Variants in SH3D19 observed in about 807,000 individuals in gnomAD.
SH3D19 encodes the protein SH3 domain containing 19.
A neutral mutation model predicts 112.1 loss-of-function variants in SH3D19; 58 were observed. The ratio of observed to expected loss-of-function variants is 0.52; its 90% CI spans 0.42 to 0.64. The LOEUF (loss-of-function observed/expected upper bound fraction) is 0.64, where lower values mean the gene tolerates loss of function less well. SH3D19 is among the 30% of genes least tolerant of loss of function. The pLI, the probability that SH3D19 is intolerant of heterozygous loss-of-function variation, is 0.00. For missense variants in SH3D19, 1,090 were observed against 1,263.4 expected, an observed-to-expected ratio of 0.86 and a Z score of 2.08; for synonymous variants, 391 against 448.5, an observed-to-expected ratio of 0.87 and a Z score of 1.62.
intron 17 of SH3D19, among the ~76,000 whole-genome samples, chr4:151,129,421 G>C (rs1295179059): frequency 6.6e-6 from 1 of 152,190 alleles, no homozygotes; most frequent in African/African-American, 2.4e-5. Flanking sequence ...CCAGGCTGAA[G>C]GGCAATGATG....
rs185606020 is a variant in SH3D19, at chr4:151,291,513, T to C, written c.112+33728A>G. ...TTATTTACAATTTGAAATGATTTTGTTTTTAAGGTTTTTGATTTTGGAAGT... is the reference window on the plus strand; with the variant it reads ...TTATTTACAATTTGAAATGATTTTGCTTTTAAGGTTTTTGATTTTGGAAGT... On this transcript the variant is annotated intron_variant, in intron 1 of 19. Coordinates refer to ENST00000604030, the MANE Select transcript of SH3D19 (RefSeq NM_001378122.1). The C allele has an allele frequency of 6.9e-4, 858 of 1,240,632 alleles. 1 individual carries two copies. The highest frequency in any genetic ancestry group is 8.8e-4 in the Non-Finnish European group (793 of 900,008). The allele number at this position is 1,240,632 out of a possible 1,614,324, so 76.9% of individuals were successfully genotyped here.
chr4:151,203,939 G>A (rs1293099300), intron 2 of SH3D19, among the ~76,000 whole-genome samples: 1 of 151,972 alleles, frequency 6.6e-6, no homozygotes, highest in African/African-American at 2.4e-5. Flanking sequence ...TTTTGGGGGA[G>A]GATTTTTTTT....
chr4:151,236,321 C>G (rs1770039927), intron 1 of SH3D19, among the ~76,000 whole-genome samples: 1 of 152,258 alleles, frequency 6.6e-6, no homozygotes, highest in Non-Finnish European at 1.5e-5. Context: ...GGGCCCCGCA[C>G]TTGGCACAGC....
At chr4:151,122,925 C>T (rs184704269) in intron 19 of SH3D19, among the ~76,000 whole-genome samples, 5 of 149,262 alleles carry the variant, frequency 3.3e-5, no homozygotes, top group African/African-American at 4.9e-5. Context: ...AATCTCGGCT[C>T]ACTGCAACCT....
intron 1 of SH3D19, among the ~76,000 whole-genome samples, chr4:151,255,118 G>C (rs1324760838): frequency 2.7e-5 from 4 of 150,526 alleles, no homozygotes; most frequent in Non-Finnish European, 4.4e-5. Context: ...CTGGCCTGGC[G>C]GGGGGCTGAC....
chr4:151,216,302 A>G (rs1767089585), intron 2 of SH3D19, among the ~76,000 whole-genome samples: 1 of 152,226 alleles, frequency 6.6e-6, no homozygotes, highest in African/African-American at 2.4e-5. Context: ...CATTTGAAGA[A>G]TGTGATGTAT....
chr4:151,283,305 G>A (rs372701461), intron 1 of SH3D19: 374 of 1,606,956 alleles, frequency 2.3e-4, no homozygotes, highest in Middle Eastern at 5.0e-4. Context: ...TTGCTCTAGA[G>A]AATTTTTTTT....
At chr4:151,228,906 G>C (rs969083343) in intron 1 of SH3D19, among the ~76,000 whole-genome samples, 1 of 150,926 alleles carries the variant, frequency 6.6e-6, no homozygotes, top group African/African-American at 2.4e-5. Flanking sequence ...CCAGGCTGGA[G>C]TGCAGTGGTG....
intron 1 of SH3D19, among the ~76,000 whole-genome samples, chr4:151,244,582 G>A (rs1770797408): frequency 6.6e-6 from 1 of 152,110 alleles, no homozygotes; most frequent in South Asian, 2.1e-4. Flanking sequence ...ATTTTGAAAG[G>A]GCCTGACCAA....
At chr4:151,133,655 C>T (rs754188063) in intron 15 of SH3D19, among the ~76,000 whole-genome samples, 12 of 152,122 alleles carry the variant, frequency 7.9e-5, no homozygotes, top group Non-Finnish European at 1.6e-4. Context: ...CTAATCAGGG[C>T]AGAATGCAAT....
chr4:151,251,398 C>T (rs568164425), intron 1 of SH3D19, among the ~76,000 whole-genome samples: 2 of 152,104 alleles, frequency 1.3e-5, no homozygotes, highest in East Asian at 3.9e-4. Context: ...AGGGGTTTCA[C>T]CATGTTGGTC....
rs1167112449 is a variant in SH3D19 at position 151,132,325 on chromosome 4, G to A, written c.2742+6C>T. Reference sequence around the variant, plus strand: ...GTCACTATAGTCATCTGTTCAAGCAGCCTACCTGAGAGTTTGAGCCAGAAT... The same window carrying A: ...GTCACTATAGTCATCTGTTCAAGCAACCTACCTGAGAGTTTGAGCCAGAAT... On this transcript the variant is annotated splice_donor_region_variant and intron_variant, in intron 17 of 19. Coordinates refer to ENST00000604030, the MANE Select transcript of SH3D19 (RefSeq NM_001378122.1). The A allele has an allele frequency of 6.2e-7, 1 of 1,613,602 alleles. No homozygotes were observed. The highest frequency in any genetic ancestry group is 8.5e-7 in the Non-Finnish European group (1 of 1,179,710).
Position 151,148,742 on chromosome 4 carries a change from G to T in SH3D19, c.1818-556C>A, listed in dbSNP as rs187175915. ...TTGAAAGCCTTTCCTTAATCCCTAC[G>T]ATAGAAATAATTTTCGGCTGGGAGT... On this transcript the variant is annotated intron_variant, in intron 10 of 19. Coordinates refer to ENST00000604030, the MANE Select transcript of SH3D19 (RefSeq NM_001378122.1). Among the ~76,000 whole-genome samples, 7 of 152,172 alleles carry T rather than the reference G, an allele frequency of 4.6e-5. No homozygotes were observed. In the East Asian group the frequency reaches 7.7e-4, roughly 17 times the overall value.
At chr4:151,222,993 T>C (rs1426126387) in intron 2 of SH3D19, among the ~76,000 whole-genome samples, 1 of 140,900 alleles carries the variant, frequency 7.1e-6, no homozygotes, top group African/African-American at 2.5e-5. Flanking sequence ...ACCTGGAATA[T>C]TCTCCCAGCC....
At chr4:151,321,751 T>C (rs773182061) in intron 1 of SH3D19, among the ~76,000 whole-genome samples, 1 of 152,238 alleles carries the variant, frequency 6.6e-6, no homozygotes, top group Non-Finnish European at 1.5e-5. Flanking sequence ...TATCTGGGAA[T>C]GTGTCAAAAA....
chr4:151,120,446 A>G lies in SH3D19; in HGVS notation c.*1645T>C, dbSNP rs1312263968. The G allele has an allele frequency of 6.6e-6, 1 of 152,570 alleles. No homozygotes were observed. Among genetic ancestry groups the G allele is most frequent in the African/African-American group, 2.4e-5 (1 of 41,458 alleles). 9.5% of individuals were successfully genotyped at this position (152,570 alleles called of 1,614,324 possible). A position where few individuals can be genotyped will look rare whatever the true frequency, so the allele number is the denominator to read the frequency against. On this transcript the variant is annotated 3_prime_UTR_variant, in exon 20 of 20. Transcript: ENST00000604030. ...AGATGTTAAAATTATAAAGGCAAAG[A>G]TATATACCTCATGTTCCATTCCATA... is the stretch of plus-strand genomic sequence containing the variant.
At position 151,176,707 on chromosome 4, in the gene SH3D19, G is replaced by T. The variant is rs1760004800; in HGVS notation, c.376-20C>A. 8.1e-7 allele frequency: 1 copy of T among 1,231,496 alleles called. No homozygotes were observed. The highest frequency in any genetic ancestry group is 1.6e-5 in the African/African-American group (1 of 64,400). 76.3% of individuals were successfully genotyped at this position (1,231,496 alleles called of 1,614,324 possible). A position where few individuals can be genotyped will look rare whatever the true frequency, so the allele number is the denominator to read the frequency against. ...TGGGAGCTGAAAAGTAAAGAATGAA[G>T]ATTTTAGACATCTAAGGGCAATAGC... On this transcript the variant is annotated intron_variant, in intron 5 of 19. Transcript: ENST00000604030.
At chr4:151,161,768 T>A (rs1352019607) in intron 8 of SH3D19, among the ~76,000 whole-genome samples, 1 of 129,808 alleles carries the variant, frequency 7.7e-6, no homozygotes, top group African/African-American at 2.5e-5. Flanking sequence ...ATACCTCTTT[T>A]TTTTTTTTTT....
intron 2 of SH3D19, among the ~76,000 whole-genome samples, chr4:151,216,043 C>G (rs1017332482): frequency 3.3e-5 from 5 of 152,156 alleles, no homozygotes; most frequent in African/African-American, 9.7e-5. Context: ...GCTGGTCAGG[C>G]TGGTCTCGAA....
Sources: allele counts gnomAD v4.1 joint callset (sites outside exome capture counted in the v4.1 genomes callset), GRCh38; gene constraint gnomAD v4.1.1; transcripts MANE v1.5; gene names NCBI Gene and HGNC (gene_info 2026-07-23, HGNC 2026-07-21).